Variants in RAD51B observed in about 807,000 individuals in gnomAD.
RAD51B encodes RAD51 paralog B.
A neutral mutation model predicts 42.2 loss-of-function variants in RAD51B; 38 were observed. The ratio of observed to expected loss-of-function variants is 0.90; its 90% CI spans 0.70 to 1.18. The LOEUF (loss-of-function observed/expected upper bound fraction) is 1.18. Ranked by LOEUF, RAD51B falls within the 50% of genes most tolerant of loss-of-function variation. The probability of loss-of-function intolerance (pLI) is 0.00; values close to 1 mark genes in which losing one functional copy is unlikely to be tolerated. For missense variants in RAD51B, 373 were observed against 400.7 expected (o/e 0.93, Z 0.59); for synonymous variants, 154 against 145.2 (o/e 1.06, Z -0.43).
intron 10 of RAD51B, chr14:68,562,062 T>G (rs2842325): frequency 1.0e-6 from 1 of 985,126 alleles, no homozygotes; most frequent in Non-Finnish European, 1.2e-6. Context: ...ACCACATGAA[T>G]AATTTGGAGA....
At chr14:67,991,968 G>T (rs1444823408) in intron 7 of RAD51B, among the ~76,000 whole-genome samples, 1 of 152,132 alleles carries the variant, frequency 6.6e-6, no homozygotes, top group Non-Finnish European at 1.5e-5. Flanking sequence ...AGGAAAAAAG[G>T]CTTAACGTTC....
At chr14:68,435,434 C>T (rs897680124) in intron 9 of RAD51B, among the ~76,000 whole-genome samples, 41 of 150,474 alleles carry the variant, frequency 2.7e-4, no homozygotes, top group African/African-American at 9.5e-4. Flanking sequence ...AGGTTGATTC[C>T]ATGTCTTTAC....
In RAD51B at chr14:68,258,443, T is replaced by TCTCACA. The variant is rs1555382642; in HGVS notation, c.757-33440_757-33439insTCACAC. Among the ~76,000 whole-genome samples the TCTCACA allele has an allele frequency of 2.7e-3, 398 of 150,100 alleles. 1 individual carries two copies. Among genetic ancestry groups the TCTCACA allele is most frequent in the African/African-American group, 9.3e-3 (378 of 40,536 alleles). ...CACACACACACACACTCTCTCTCTC[T>TCTCACA]CACACACACACACACAATTTGAAAC... is the stretch of plus-strand genomic sequence containing the variant. On this transcript the variant is annotated intron_variant, in intron 7 of 10. Coordinates refer to ENST00000471583, the MANE Select transcript of RAD51B (RefSeq NM_133510.4).
intron 8 of RAD51B, among the ~76,000 whole-genome samples, chr14:68,390,246 T>C (rs1299053985): frequency 6.6e-6 from 1 of 152,248 alleles, no homozygotes; most frequent in African/African-American, 2.4e-5. Flanking sequence ...ATTGCAAATC[T>C]TGAGTAGTGG....
At chr14:67,826,751 C>T (rs1052066364) in intron 3 of RAD51B, among the ~76,000 whole-genome samples, 14 of 148,304 alleles carry the variant, frequency 9.4e-5, no homozygotes, top group African/African-American at 2.5e-4. Context: ...GGTGTGATCT[C>T]GGCTCAGTGC....
intron 10 of RAD51B, among the ~76,000 whole-genome samples, chr14:68,474,418 C>T (rs1882382596): frequency 6.6e-6 from 1 of 152,174 alleles, no homozygotes; most frequent in African/African-American, 2.4e-5. Context: ...AGTGACAGAG[C>T]AAAACCCCAT....
At chr14:68,200,275 C>T (rs552767953) in intron 7 of RAD51B, among the ~76,000 whole-genome samples, 16 of 152,248 alleles carry the variant, frequency 1.1e-4, no homozygotes, top group Non-Finnish European at 1.9e-4. Flanking sequence ...ATAGGCAGTG[C>T]AAATGGTGGC....
intron 10 of RAD51B, among the ~76,000 whole-genome samples, chr14:68,580,254 A>C (rs1254837656): frequency 1.3e-5 from 2 of 151,782 alleles, no homozygotes; most frequent in Non-Finnish European, 2.9e-5. Flanking sequence ...GAGGCCTGCC[A>C]CTCTGCCCCA....
downstream of RAD51B, among the ~76,000 whole-genome samples, chr14:68,482,878 G>C (rs921618958): frequency 2.6e-5 from 4 of 152,156 alleles, no homozygotes; most frequent in Non-Finnish European, 5.9e-5. Context: ...ATTTGGTTTT[G>C]TTCCCTATCA....
intron 10 of RAD51B, among the ~76,000 whole-genome samples, chr14:68,586,005 A>G (rs957283883): frequency 9.9e-5 from 15 of 152,078 alleles, no homozygotes; most frequent in African/African-American, 3.6e-4. Flanking sequence ...CAAAGCATCC[A>G]CGGCACGTTA....
intron 7 of RAD51B, among the ~76,000 whole-genome samples, chr14:67,887,929 T>G (rs924394408): frequency 4.6e-5 from 7 of 152,204 alleles, no homozygotes; most frequent in African/African-American, 1.7e-4. Flanking sequence ...TTCCACAGCC[T>G]CATCAACATT....
At chr14:68,122,237 A>G (rs1056216290) in intron 7 of RAD51B, among the ~76,000 whole-genome samples, 3 of 152,192 alleles carry the variant, frequency 2.0e-5, no homozygotes, top group Non-Finnish European at 2.9e-5. Context: ...TTTAAATACT[A>G]AAAAACAAAG....
chr14:68,325,438 A>G (rs1829156302), intron 8 of RAD51B, among the ~76,000 whole-genome samples: 1 of 152,208 alleles, frequency 6.6e-6, no homozygotes, highest in Admixed American at 6.5e-5. Flanking sequence ...AGAGTACTTC[A>G]TGCCCCGCCC....
intron 7 of RAD51B, among the ~76,000 whole-genome samples, chr14:67,938,392 C>T (rs1360661047): frequency 2.6e-5 from 4 of 152,172 alleles, no homozygotes; most frequent in African/African-American, 4.8e-5. Flanking sequence ...ATACTTTTGA[C>T]GGAGCCATAC....
intron 7 of RAD51B, among the ~76,000 whole-genome samples, chr14:68,257,185 C>T (rs2139524776): frequency 1.3e-5 from 2 of 152,146 alleles, no homozygotes; most frequent in East Asian, 3.9e-4. Flanking sequence ...ATAGAGGTTT[C>T]CAGGAGCTTG....
At chr14:68,541,246 G>A in intron 10 of RAD51B, 1 of 985,452 alleles carries the variant, frequency 1.0e-6, no homozygotes, top group Non-Finnish European at 1.2e-6. Context: ...AGATTTGACA[G>A]ATATTGGTTA....
intron 7 of RAD51B, among the ~76,000 whole-genome samples, chr14:67,912,339 T>C (rs1030997875): frequency 2.6e-5 from 4 of 152,240 alleles, no homozygotes; most frequent in Non-Finnish European, 5.9e-5. Flanking sequence ...TTTGTTATTG[T>C]TGTCCTTTGA....
At chr14:67,949,469 C>A (rs922923741) in intron 7 of RAD51B, among the ~76,000 whole-genome samples, 1 of 152,164 alleles carries the variant, frequency 6.6e-6, no homozygotes. Context: ...CATCTTTAGG[C>A]TCCACTTCTA....
At chr14:68,354,367 C>T (rs1052330394) in intron 8 of RAD51B, among the ~76,000 whole-genome samples, 1 of 151,972 alleles carries the variant, frequency 6.6e-6, no homozygotes, top group East Asian at 1.9e-4. Flanking sequence ...CAGGCACACA[C>T]CACCACGCCC....
Sources: allele counts gnomAD v4.1 joint callset (sites outside exome capture counted in the v4.1 genomes callset), GRCh38; gene constraint gnomAD v4.1.1; transcripts MANE v1.5; gene names NCBI Gene and HGNC (gene_info 2026-07-23, HGNC 2026-07-21).